PTPRR: variants seen among roughly 807,000 people sequenced by gnomAD.
PTPRR encodes the protein receptor-type tyrosine-protein phosphatase R.
PTPRR carries 38 observed loss-of-function variants against 77.2 expected under a neutral mutation model. That is an observed-to-expected ratio of 0.49 (90% CI 0.38 to 0.65). The LOEUF (loss-of-function observed/expected upper bound fraction) is 0.65. PTPRR is among the 30% of genes least tolerant of loss of function. PTPRR has a pLI of 0.00. For synonymous variants in PTPRR, 299 were observed against 283.1 expected (o/e 1.06, Z -0.57); for missense variants, 744 against 799.2 (o/e 0.93, Z 0.83).
chr12:70,790,436 T>C (rs188727958), intron 2 of PTPRR, among the ~76,000 whole-genome samples: 1 of 152,258 alleles, frequency 6.6e-6, no homozygotes, highest in East Asian at 1.9e-4. Context: ...TTTCTTCTCA[T>C]TGGCCATTCC....
At chr12:70,753,328 T>C (rs1234172491) in intron 5 of PTPRR, among the ~76,000 whole-genome samples, 1 of 152,148 alleles carries the variant, frequency 6.6e-6, no homozygotes, top group Non-Finnish European at 1.5e-5. Flanking sequence ...AGTAACATAA[T>C]GACTTTTGGG....
chr12:70,728,487 T>TATATAC (rs1565669280), intron 6 of PTPRR, among the ~76,000 whole-genome samples: 4 of 8,304 alleles, frequency 4.8e-4, no homozygotes, highest in Non-Finnish European at 1.2e-3. Context: ...TATATATATA[T>TATATAC]ATATATGTAT....
intron 5 of PTPRR, among the ~76,000 whole-genome samples, chr12:70,752,574 TC>T (rs1890436455): frequency 6.6e-6 from 1 of 152,218 alleles, no homozygotes; most frequent in South Asian, 2.1e-4. Flanking sequence ...CTGCTCTGTT[TC>T]TGCTGCCCTT....
At chr12:70,769,450 C>A (rs1231119333) in intron 2 of PTPRR, among the ~76,000 whole-genome samples, 6 of 152,162 alleles carry the variant, frequency 3.9e-5, no homozygotes, top group Non-Finnish European at 8.8e-5. Flanking sequence ...ATCCAACTTA[C>A]AAGGGACGTG....
chr12:70,739,026 C>A (rs906835809), intron 6 of PTPRR, among the ~76,000 whole-genome samples: 1 of 151,972 alleles, frequency 6.6e-6, no homozygotes, highest in African/African-American at 2.4e-5. Context: ...CATTTACTGG[C>A]CAATTTATAA....
At chr12:70,766,574 A>C (rs927050517) in intron 2 of PTPRR, among the ~76,000 whole-genome samples, 3 of 152,028 alleles carry the variant, frequency 2.0e-5, no homozygotes, top group Admixed American at 6.5e-5. Context: ...AATGGAACCA[A>C]GTTGGAAAAC....
At chr12:70,795,452 C>G (rs1186916525) in intron 2 of PTPRR, among the ~76,000 whole-genome samples, 2 of 152,166 alleles carry the variant, frequency 1.3e-5, no homozygotes, top group Non-Finnish European at 2.9e-5. Context: ...TAAGATAAAT[C>G]CTCATCCACT....
intron 6 of PTPRR, among the ~76,000 whole-genome samples, chr12:70,716,873 C>A (rs567224757): frequency 6.6e-6 from 1 of 152,154 alleles, no homozygotes; most frequent in Non-Finnish European, 1.5e-5. Flanking sequence ...TTGTGTATCA[C>A]AGAAGACACT....
intron 1 of PTPRR, among the ~76,000 whole-genome samples, chr12:70,914,356 A>C (rs1431076722): frequency 6.6e-6 from 1 of 152,208 alleles, no homozygotes; most frequent in Non-Finnish European, 1.5e-5. Context: ...GAATATGATC[A>C]GGTATGCTTT....
intron 6 of PTPRR, among the ~76,000 whole-genome samples, chr12:70,715,210 C>T (rs374018626): frequency 1.3e-5 from 2 of 151,784 alleles, no homozygotes. Flanking sequence ...TGTGATGCCC[C>T]ACAAGCCGTA....
intron 2 of PTPRR, among the ~76,000 whole-genome samples, chr12:70,774,821 A>G (rs1384098584): frequency 6.6e-6 from 1 of 152,212 alleles, no homozygotes. Context: ...TAAAAAATAT[A>G]TGACTTTATA....
intron 6 of PTPRR, among the ~76,000 whole-genome samples, chr12:70,711,986 G>A (rs1452146845): frequency 2.0e-5 from 3 of 152,106 alleles, no homozygotes; most frequent in Non-Finnish European, 4.4e-5. Context: ...ATTTAAAAGT[G>A]TACCACCCGC....
Position 70,807,357 on chromosome 12 carries a change from A to T in PTPRR, c.358-42579T>A, listed in dbSNP as rs375304040. On this transcript the variant is annotated intron_variant, in intron 2 of 13. Coordinates refer to ENST00000283228, the MANE Select transcript of PTPRR (RefSeq NM_002849.4). Reference sequence around the variant, plus strand: ...TGCTGAATGCATTTCTAATAAATGTAATCTACTTGCCCACCTTTTAAAAAA... The same window carrying T: ...TGCTGAATGCATTTCTAATAAATGTTATCTACTTGCCCACCTTTTAAAAAA... Among the ~76,000 whole-genome samples, 5 of 152,304 alleles carry T rather than the reference A, an allele frequency of 3.3e-5. No homozygotes were observed. The South Asian group carries it at 1.0e-3, about 32-fold the overall frequency.
At chr12:70,849,551 G>T (rs968854139) in intron 2 of PTPRR, among the ~76,000 whole-genome samples, 3 of 152,094 alleles carry the variant, frequency 2.0e-5, no homozygotes, top group Non-Finnish European at 4.4e-5. Context: ...TTGAGAAGAG[G>T]GACATCTGGT....
At chr12:70,918,937 G>A (rs1400658548) in intron 1 of PTPRR, among the ~76,000 whole-genome samples, 1 of 152,108 alleles carries the variant, frequency 6.6e-6, no homozygotes, top group Non-Finnish European at 1.5e-5. Flanking sequence ...TAATAATCAA[G>A]TCATAGCTAT....
Position 70,795,340 on chromosome 12 carries a change from T to C in PTPRR, c.358-30562A>G, listed in dbSNP as rs574010833. Among the ~76,000 whole-genome samples the C allele has an allele frequency of 4.6e-5, 7 of 152,260 alleles. No individual in the cohort carries two copies. In the South Asian group the frequency reaches 8.3e-4, roughly 18 times the overall value. ...GAAGACTCAAGCAAGTTCAAGTAAA[T>C]AGGATGTTGGAATAGCTTCAAAACA... is the stretch of plus-strand genomic sequence containing the variant. On this transcript the variant is annotated intron_variant, in intron 2 of 13. Transcript: ENST00000283228.
intron 2 of PTPRR, among the ~76,000 whole-genome samples, chr12:70,859,920 A>AT (rs1344696475): frequency 6.6e-6 from 1 of 151,836 alleles, no homozygotes; most frequent in Non-Finnish European, 1.5e-5. Context: ...CTCATAGCTT[A>AT]TTTTTTCCTT....
In PTPRR at chr12:70,858,367, G is replaced by A. The variant is rs117232160; in HGVS notation, c.357+34312C>T. On this transcript the variant is annotated intron_variant, in intron 2 of 13. Transcript: ENST00000283228. ...GGATGGACACTGACACAGGATAGATGCAGAAGTTTTAAATTGTCAGGGCAT... is the reference window on the plus strand; with the variant it reads ...GGATGGACACTGACACAGGATAGATACAGAAGTTTTAAATTGTCAGGGCAT... Among the ~76,000 whole-genome samples the A allele has an allele frequency of 2.5e-4, 38 of 152,166 alleles. No homozygotes were observed. The East Asian group carries it at 7.0e-3, about 28-fold the overall frequency.
chr12:70,682,977 TA>T (rs1288494219), intron 10 of PTPRR, among the ~76,000 whole-genome samples: 1 of 152,114 alleles, frequency 6.6e-6, no homozygotes, highest in East Asian at 1.9e-4. Context: ...ATTGAGTATA[TA>T]ACCTTATCTA....
Sources: gnomAD v4.1 joint callset for allele counts (sites outside exome capture counted in the v4.1 genomes callset) on GRCh38, gnomAD v4.1.1 for gene constraint, MANE v1.5 for transcripts, NCBI Gene and HGNC (gene_info 2026-07-23, HGNC 2026-07-21) for gene names.